Variants in CACNA1E observed in about 807,000 individuals in gnomAD.
The protein encoded by CACNA1E is voltage-dependent R-type calcium channel subunit alpha-1E.
CACNA1E carries 40 observed loss-of-function variants against 259.2 expected under a neutral mutation model. The ratio of observed to expected loss-of-function variants is 0.15; its 90% CI spans 0.12 to 0.20. CACNA1E has a LOEUF of 0.20. CACNA1E is among the 10% of genes least tolerant of loss of function. CACNA1E has a pLI of 1.00. For missense variants in CACNA1E, 1,874 were observed against 3,040.1 expected, an observed-to-expected ratio of 0.62 and a Z score of 9.02; for synonymous variants, 1,104 against 1,138.5, an observed-to-expected ratio of 0.97 and a Z score of 0.61.
chr1:181,365,972 C>T (rs1352678989), intron 1 of CACNA1E, among the ~76,000 whole-genome samples: 2 of 152,118 alleles, frequency 1.3e-5, no homozygotes, highest in East Asian at 1.9e-4. Flanking sequence ...TCTGCTGTAA[C>T]TGGGGAGATG....
intron 7 of CACNA1E, among the ~76,000 whole-genome samples, chr1:181,700,337 A>G (rs1572638961): frequency 6.6e-6 from 1 of 152,188 alleles, no homozygotes; most frequent in African/African-American, 2.4e-5. Context: ...GTCAAGGCAC[A>G]GGGTGTGTGC....
At chr1:181,537,325 C>G (rs1271949052) in intron 3 of CACNA1E, among the ~76,000 whole-genome samples, 1 of 152,012 alleles carries the variant, frequency 6.6e-6, no homozygotes, top group African/African-American at 2.4e-5. Context: ...TCTTGAACTC[C>G]TAACCTCAGG....
At chr1:181,407,065 T>A (rs1657516357) in intron 1 of CACNA1E, among the ~76,000 whole-genome samples, 1 of 152,344 alleles carries the variant, frequency 6.6e-6, no homozygotes, top group South Asian at 2.1e-4. Context: ...AGACTCAGAC[T>A]GACTTAGTGC....
chr1:181,427,689 C>A (rs1192094497), intron 2 of CACNA1E, among the ~76,000 whole-genome samples: 1 of 144,046 alleles, frequency 6.9e-6, no homozygotes, highest in Admixed American at 6.9e-5. Context: ...CTCCCCATCT[C>A]AACTCCTCTC....
intron 40 of CACNA1E, 48 bp from the exon 41 acceptor site, chr1:181,784,613 G>C (rs747341839): frequency 7.7e-6 from 10 of 1,305,926 alleles, no homozygotes; most frequent in Middle Eastern, 1.8e-4. Context: ...CCTCAGTCCT[G>C]GTTATTTCTG....
At chr1:181,777,475 G>T (rs1660062521) in intron 38 of CACNA1E, among the ~76,000 whole-genome samples, 1 of 152,196 alleles carries the variant, frequency 6.6e-6, no homozygotes, top group Non-Finnish European at 1.5e-5. Flanking sequence ...AATTATTAAT[G>T]ACTTAGGGTA....
intron 44 of CACNA1E, among the ~76,000 whole-genome samples, chr1:181,792,265 G>A (rs753837352): frequency 9.9e-5 from 15 of 152,198 alleles, no homozygotes; most frequent in Admixed American, 6.5e-4. Context: ...GGGCTGAGCC[G>A]TAGTGCCAGG....
chr1:181,692,732 G>A lies in CACNA1E; in HGVS notation c.1056-18222G>A, dbSNP rs368598952. On this transcript the variant is annotated intron_variant, in intron 7 of 47. Coordinates refer to ENST00000367573, the MANE Select transcript of CACNA1E (RefSeq NM_001205293.3). Reference sequence around the variant, plus strand: ...CTAGGAAACACCATTTTGGACATCAGCCTTGAGAAGGATTTATGACTAAGT... The same window carrying A: ...CTAGGAAACACCATTTTGGACATCAACCTTGAGAAGGATTTATGACTAAGT... Among the ~76,000 whole-genome samples, 4 of 152,224 alleles carry A rather than the reference G, an allele frequency of 2.6e-5. No homozygotes were observed. In the South Asian group the frequency reaches 6.2e-4, roughly 24 times the overall value.
intron 3 of CACNA1E, among the ~76,000 whole-genome samples, chr1:181,521,327 G>A (rs1328521882): frequency 6.6e-6 from 1 of 152,236 alleles, no homozygotes; most frequent in Non-Finnish European, 1.5e-5. Context: ...AGGTTGGCAT[G>A]ACTAGCCATG....
At chr1:181,404,299 G>T (rs1657314385) in intron 1 of CACNA1E, among the ~76,000 whole-genome samples, 1 of 152,166 alleles carries the variant, frequency 6.6e-6, no homozygotes, top group Non-Finnish European at 1.5e-5. Flanking sequence ...GTAATTGTTG[G>T]TCTAATCTTA....
intron 2 of CACNA1E, among the ~76,000 whole-genome samples, chr1:181,476,825 G>A (rs536792292): frequency 7.5e-4 from 114 of 152,274 alleles, no homozygotes; most frequent in African/African-American, 2.7e-3. Flanking sequence ...GAGCTGGGGC[G>A]CTGCTGAGTC....
chr1:181,758,823 G>A lies in CACNA1E; in HGVS notation c.4560G>A (p.Val1520=), dbSNP rs1282166272. Reference sequence around the variant, plus strand: ...ACCTGAATATCGCCTTCACCATGGTGTTTTCCCTGGAATGTGTCCTGAAGG... The same window carrying A: ...ACCTGAATATCGCCTTCACCATGGTATTTTCCCTGGAATGTGTCCTGAAGG... ...LKYLNIAFTM[V]FSLECVLKVI... The change falls in exon 32 of 48, where the codon GTG becomes GTA. Residue 1520 remains valine, a synonymous_variant. Coordinates refer to ENST00000367573, the MANE Select transcript of CACNA1E (RefSeq NM_001205293.3). This position sits in a 1 kb window ranked among gnomAD's most constrained non-coding sequence, Gnocchi z 4.2. 6.2e-7 allele frequency: 1 copy of A among 1,613,102 alleles called. No individual in the cohort carries two copies. Among genetic ancestry groups the A allele is most frequent in the Non-Finnish European group, 8.5e-7 (1 of 1,179,120 alleles).
chr1:181,375,733 C>A (rs1008791718), intron 1 of CACNA1E, among the ~76,000 whole-genome samples: 1 of 152,146 alleles, frequency 6.6e-6, no homozygotes. Context: ...ATGGAGCCCC[C>A]CTTCCCCTCC....
rs563717786 is a variant in CACNA1E at position 181,434,850 on chromosome 1, G to T, written c.434+21270G>T. ...ATGCACTGGAGGCTTCCGTGCAGCG[G>T]AGGGATGCCTACTCAGTGGTGTGCT... On this transcript the variant is annotated intron_variant, in intron 2 of 11. Coordinates refer to the CACNA1E transcript ENST00000524607. 2.2e-4 allele frequency among the ~76,000 whole-genome samples: 34 copies of T among 152,332 alleles called. No individual in the cohort carries two copies. In the South Asian group the frequency reaches 6.8e-3, roughly 31 times the overall value.
chr1:181,437,145 C>T (rs1183855726), intron 2 of CACNA1E, among the ~76,000 whole-genome samples: 3 of 152,328 alleles, frequency 2.0e-5, no homozygotes, highest in South Asian at 4.1e-4. Context: ...GACATGTGGT[C>T]ACCCTGGAGC....
chr1:181,395,264 G>A (rs754211458), intron 1 of CACNA1E, among the ~76,000 whole-genome samples: 3 of 152,148 alleles, frequency 2.0e-5, no homozygotes, highest in Non-Finnish European at 4.4e-5. Context: ...AAGTATAGGA[G>A]TCAAGGACAG....
At chr1:181,677,846 C>T (rs535923011) in intron 7 of CACNA1E, among the ~76,000 whole-genome samples, 2 of 152,190 alleles carry the variant, frequency 1.3e-5, no homozygotes, top group East Asian at 3.9e-4. Flanking sequence ...TTAGGAATAA[C>T]AGGATGATCC....
chr1:181,511,580 C>A, intron 3 of CACNA1E, 70 bp downstream of exon 3: 1 of 1,555,706 alleles, frequency 6.4e-7, no homozygotes, highest in Non-Finnish European at 8.8e-7. Flanking sequence ...TGGCTGGGGG[C>A]AGGGAACCTG....
chr1:181,345,718 A>C (rs1652541419), intron 1 of CACNA1E, among the ~76,000 whole-genome samples: 1 of 152,204 alleles, frequency 6.6e-6, no homozygotes, highest in Non-Finnish European at 1.5e-5. Flanking sequence ...TTACAGATGC[A>C]CAAACTGCGG....
Sources: gnomAD v4.1 joint callset for allele counts (sites outside exome capture counted in the v4.1 genomes callset) on GRCh38, gnomAD v4.1.1 for gene constraint, Gnocchi (gnomAD v3.1) non-coding constraint, MANE v1.5 for transcripts, NCBI Gene and HGNC (gene_info 2026-07-23, HGNC 2026-07-21) for gene names.